Variants in LRRC61 observed in about 807,000 individuals in gnomAD.
The protein encoded by LRRC61 is leucine-rich repeat-containing protein 61.
In LRRC61, 9 loss-of-function variants were observed where a neutral mutation model predicts 15.1. That is an observed-to-expected ratio of 0.60 (90% CI 0.36 to 1.04). The LOEUF is 1.04. Ranked by LOEUF, LRRC61 falls within the 50% of genes least tolerant of loss-of-function variation. The pLI, the probability that LRRC61 is intolerant of heterozygous loss-of-function variation, is 0.01. For missense variants in LRRC61, 344 were observed against 335.6 expected, an observed-to-expected ratio of 1.03 and a Z score of -0.20; for synonymous variants, 173 against 158.6, an observed-to-expected ratio of 1.09 and a Z score of -0.68.
At position 150,333,419 on chromosome 7, in the gene LRRC61, C is replaced by T. The variant is rs1236499427; in HGVS notation, c.-144-3299C>T. ...CCTCCAATGTGCAGGACGGCCTCCACAACCAAGGCTCAGCCTGCCCAGATG... is the reference window on the plus strand; with the variant it reads ...CCTCCAATGTGCAGGACGGCCTCCATAACCAAGGCTCAGCCTGCCCAGATG... On this transcript the variant is annotated intron_variant, in intron 2 of 2. Coordinates refer to ENST00000359623, the MANE Select transcript of LRRC61 (RefSeq NM_001142928.2). The surrounding 1 kb of genome is among the most constrained non-coding windows in gnomAD (Gnocchi z 4.3). Among the ~76,000 whole-genome samples the T allele has an allele frequency of 2.6e-5, 4 of 152,238 alleles. No homozygotes were observed. Among genetic ancestry groups the T allele is most frequent in the African/African-American group, 9.6e-5 (4 of 41,464 alleles).
intron 1 of LRRC61, chr7:150,323,787 T>G (rs1797818114): frequency 4.6e-6 from 2 of 439,478 alleles, no homozygotes; most frequent in Non-Finnish European, 9.1e-6. Context: ...AACAATCTCA[T>G]GAGGCGGGTG....
rs779371947 is a variant in LRRC61 at position 150,330,926 on chromosome 7, G to A, written c.-145+4916G>A. On this transcript the variant is annotated intron_variant, in intron 2 of 2. Coordinates refer to ENST00000359623, the MANE Select transcript of LRRC61 (RefSeq NM_001142928.2). The surrounding 1 kb of genome is among the most constrained non-coding windows in gnomAD (Gnocchi z 4.6). ...AGAAGGGCTTGCTGGAGAGCATGGG[G>A]CTGCTGGCCTCTGAGAGAAGCGGGG... The A allele has an allele frequency of 1.3e-5, 21 of 1,612,712 alleles. No homozygotes were observed. The highest frequency in any genetic ancestry group is 1.7e-5 in the Non-Finnish European group (20 of 1,179,912).
At chr7:150,332,132 T>G (rs913729316) in intron 2 of LRRC61, 1 of 167,108 alleles carries the variant, frequency 6.0e-6, no homozygotes, top group African/African-American at 2.4e-5. Context: ...TGGACCACTT[T>G]TAAAGGGGAA....
chr7:150,331,011 A>G, intron 2 of LRRC61: 2 of 1,611,500 alleles, frequency 1.2e-6, no homozygotes, highest in Non-Finnish European at 1.7e-6. Flanking sequence ...TCTGTGGGAG[A>G]ATGAGACCGT....
In LRRC61 at chr7:150,333,991, C is replaced by A; in HGVS notation, c.-144-2727C>A. The A allele has an allele frequency of 1.0e-6, 1 of 985,230 alleles. No individual in the cohort carries two copies. Among genetic ancestry groups the A allele is most frequent in the Non-Finnish European group, 1.2e-6 (1 of 829,868 alleles). 61.0% of individuals were successfully genotyped at this position (985,230 alleles called of 1,614,324 possible). A position where few individuals can be genotyped will look rare whatever the true frequency, so the allele number is the denominator to read the frequency against. The stretch of plus-strand genomic sequence containing the variant: ...CTGGTGAGGGCAGGACGGGGCCACA[C>A]TGGTGCAGGGCTGTGTGTTGGAGGG... On this transcript the variant is annotated intron_variant, in intron 2 of 2. Coordinates refer to ENST00000359623, the MANE Select transcript of LRRC61 (RefSeq NM_001142928.2). The surrounding 1 kb of genome is among the most constrained non-coding windows in gnomAD (Gnocchi z 4.3).
In LRRC61 at chr7:150,333,742, G is replaced by A. The variant is rs1472943982; in HGVS notation, c.-144-2976G>A. ...GTTAGGACAAGGACGGCTCCTTCTG[G>A]AGGAGTGCTGAAGCAGGTGGACGTG... is the stretch of plus-strand genomic sequence containing the variant. On this transcript the variant is annotated intron_variant, in intron 2 of 2. Coordinates refer to ENST00000359623, the MANE Select transcript of LRRC61 (RefSeq NM_001142928.2). This position sits in a 1 kb window ranked among gnomAD's most constrained non-coding sequence, Gnocchi z 4.3. Among the ~76,000 whole-genome samples the A allele has an allele frequency of 6.6e-6, 1 of 152,206 alleles. No homozygotes were observed. Among genetic ancestry groups the A allele is most frequent in the Non-Finnish European group, 1.5e-5 (1 of 68,032 alleles).
chr7:150,322,444 T>G (rs1174999361), upstream of LRRC61, among the ~76,000 whole-genome samples: 1 of 152,226 alleles, frequency 6.6e-6, no homozygotes, highest in Non-Finnish European at 1.5e-5. Context: ...CACTGCTCAT[T>G]ATGCACTAAT....
rs1230491984 is a variant in LRRC61 at position 150,323,436 on chromosome 7, C to T, written c.-439C>T. On this transcript the variant is annotated 5_prime_UTR_variant, in exon 1 of 3. Coordinates refer to ENST00000359623, the MANE Select transcript of LRRC61 (RefSeq NM_001142928.2). ...CACGCGGCCCAGGGGTCAGGGGCCGCCAGGCGGCGGGCGGCGGGGCTGCGG... is the reference window on the plus strand; with the variant it reads ...CACGCGGCCCAGGGGTCAGGGGCCGTCAGGCGGCGGGCGGCGGGGCTGCGG... The T allele has an allele frequency of 1.7e-5, 6 of 345,256 alleles. No homozygotes were observed. The East Asian group carries it at 7.1e-4, about 41-fold the overall frequency. 21.4% of individuals were successfully genotyped at this position (345,256 alleles called of 1,614,324 possible). A position where few individuals can be genotyped will look rare whatever the true frequency, so the allele number is the denominator to read the frequency against.
chr7:150,321,483 C>T (rs1053040435), upstream of LRRC61, among the ~76,000 whole-genome samples: 4 of 152,144 alleles, frequency 2.6e-5, no homozygotes, highest in Non-Finnish European at 5.9e-5. Context: ...CACACACCTG[C>T]AATCCCAGCA....
upstream of LRRC61, among the ~76,000 whole-genome samples, chr7:150,322,354 G>A (rs897995879): frequency 6.6e-6 from 1 of 152,272 alleles, no homozygotes; most frequent in African/African-American, 2.4e-5. Context: ...AGACCTTGCT[G>A]ATAAAACAGG....
At chr7:150,314,299 G>A in the LRRC61 span, among the ~76,000 whole-genome samples, 1 of 152,184 alleles carries the variant, frequency 6.6e-6, no homozygotes, top group East Asian at 1.9e-4. Flanking sequence ...CTTTAGCCCT[G>A]CCAAGGATTC....
chr7:150,330,491 G>A lies in LRRC61; in HGVS notation c.-145+4481G>A. On this transcript the variant is annotated intron_variant, in intron 2 of 2. Transcript: ENST00000359623. The surrounding 1 kb of genome is among the most constrained non-coding windows in gnomAD (Gnocchi z 4.6). The stretch of plus-strand genomic sequence containing the variant: ...GCTACCTGCACATCTTCCTGGAGCA[G>A]GTTCACACACACTTTCAGGAGCAGA... The A allele has an allele frequency of 1.3e-6, 1 of 780,404 alleles. No homozygotes were observed. Among genetic ancestry groups the A allele is most frequent in the East Asian group, 2.4e-5 (1 of 41,250 alleles). 48.3% of individuals were successfully genotyped at this position (780,404 alleles called of 1,614,324 possible). A position where few individuals can be genotyped will look rare whatever the true frequency, so the allele number is the denominator to read the frequency against.
chr7:150,321,510 C>T (rs569557340), upstream of LRRC61, among the ~76,000 whole-genome samples: 21 of 152,230 alleles, frequency 1.4e-4, no homozygotes, highest in South Asian at 4.1e-3. Context: ...GAGGCCAAGG[C>T]GGGCAGATCA....
intron 2 of LRRC61, chr7:150,328,779 C>G (rs1156304511): frequency 6.6e-6 from 1 of 152,220 alleles, no homozygotes; most frequent in Non-Finnish European, 1.5e-5. Context: ...ATATCCTTCC[C>G]TGGACAGCAC....
intron 2 of LRRC61, among the ~76,000 whole-genome samples, chr7:150,327,767 C>G (rs1295015117): frequency 6.7e-6 from 1 of 149,234 alleles, no homozygotes; most frequent in Admixed American, 6.7e-5. Context: ...CTGCAGTGAG[C>G]CAAGATTGTA....
intron 2 of LRRC61, among the ~76,000 whole-genome samples, chr7:150,334,924 A>T (rs1798238947): frequency 6.6e-6 from 1 of 151,524 alleles, no homozygotes; most frequent in South Asian, 2.1e-4. Context: ...TGGGAGGCTG[A>T]GGCAGGAGAA....
At chr7:150,326,279 T>C (rs994944816) in intron 2 of LRRC61, among the ~76,000 whole-genome samples, 1 of 152,220 alleles carries the variant, frequency 6.6e-6, no homozygotes, top group Admixed American at 6.5e-5. Flanking sequence ...GTTAAATGAT[T>C]GAGTGAATCA....
At chr7:150,313,381 G>A in the LRRC61 span, among the ~76,000 whole-genome samples, 3 of 152,186 alleles carry the variant, frequency 2.0e-5, no homozygotes, top group Non-Finnish European at 4.4e-5. Context: ...CGGTTGAAAG[G>A]GACAAGTTAT....
At chr7:150,329,597 A>G (rs113718044) in intron 2 of LRRC61, among the ~76,000 whole-genome samples, 22 of 152,296 alleles carry the variant, frequency 1.4e-4, no homozygotes, top group African/African-American at 4.8e-4. Context: ...TGGCCTGCCC[A>G]TGAGGAATTT....
Sources: gnomAD v4.1 joint callset for allele counts (sites outside exome capture counted in the v4.1 genomes callset) on GRCh38, gnomAD v4.1.1 for gene constraint, Gnocchi (gnomAD v3.1) non-coding constraint, MANE v1.5 for transcripts, NCBI Gene and HGNC (gene_info 2026-07-23, HGNC 2026-07-21) for gene names.